Variants in ABCA9 observed in about 807,000 individuals in gnomAD.
The protein encoded by ABCA9 is ATP-binding cassette sub-family A member 9.
ABCA9 carries 183 observed loss-of-function variants against 205.3 expected under a neutral mutation model. The observed-to-expected ratio is 0.89, with a 90% CI of 0.79 to 1.01. ABCA9 has a LOEUF of 1.01. Ranked by LOEUF, ABCA9 falls within the 50% of genes least tolerant of loss-of-function variation. The pLI is 0.00. For synonymous variants in ABCA9, 651 were observed against 683.3 expected (o/e 0.95, Z 0.74); for missense variants, 1,805 against 1,912.4 (o/e 0.94, Z 1.05).
intron 8 of ABCA9, 124 bp from the exon 9 acceptor site, chr17:69,033,997 C>T (rs2071248295): frequency 1.3e-6 from 1 of 753,566 alleles, no homozygotes; most frequent in African/African-American, 1.8e-5. Flanking sequence ...CTCTACAGAG[C>T]TCTGTCTACT....
At chr17:69,061,816 T>A (rs1018442472), upstream of ABCA9, among the ~76,000 whole-genome samples, 1 of 152,336 alleles carries the variant, frequency 6.6e-6, no homozygotes, top group East Asian at 1.9e-4. Context: ...ATGGAGTTCA[T>A]CTTTGGCTGA....
intron 3 of ABCA9, among the ~76,000 whole-genome samples, chr17:69,047,199 C>T (rs930138973): frequency 1.1e-4 from 16 of 150,634 alleles, no homozygotes; most frequent in Admixed American, 4.0e-4. Context: ...TAAGATGATC[C>T]GCCCACCTCA....
intron 1 of ABCA9, among the ~76,000 whole-genome samples, chr17:69,060,047 AATGT>A (rs2072191042): frequency 6.6e-6 from 1 of 152,182 alleles, no homozygotes; most frequent in Non-Finnish European, 1.5e-5. Flanking sequence ...TCTGTGAATT[AATGT>A]GTGTGCCAGA....
the ABCA9 span, among the ~76,000 whole-genome samples, chr17:69,073,241 C>A: frequency 6.6e-6 from 1 of 152,148 alleles, no homozygotes; most frequent in African/African-American, 2.4e-5. Context: ...AGCTCTGGAC[C>A]AAGCAGATCT....
intron 21 of ABCA9, among the ~76,000 whole-genome samples, chr17:69,016,853 CGT>C (rs142446139): frequency 4.6e-4 from 69 of 150,948 alleles, no homozygotes; most frequent in African/African-American, 1.5e-3. Context: ...CTTAAAATAA[CGT>C]GTGTGTGTGT....
intron 25 of ABCA9, among the ~76,000 whole-genome samples, chr17:68,996,334 T>G (rs1322107675): frequency 6.6e-6 from 1 of 152,234 alleles, no homozygotes; most frequent in Non-Finnish European, 1.5e-5. Flanking sequence ...TTTTTTCATT[T>G]CACAATAGTT....
chr17:68,981,370 T>C (rs1349540357), intron 37 of ABCA9, among the ~76,000 whole-genome samples: 1 of 152,104 alleles, frequency 6.6e-6, no homozygotes, highest in Non-Finnish European at 1.5e-5. Context: ...GCAGCCTTTT[T>C]TAAAAAGCCT....
At chr17:68,997,334 T>C (rs190124298) in intron 25 of ABCA9, among the ~76,000 whole-genome samples, 47 of 152,308 alleles carry the variant, frequency 3.1e-4, no homozygotes, top group Non-Finnish European at 5.9e-5. Context: ...TCAAAGCTTT[T>C]TAAAGTTTTA....
At chr17:69,041,457 A>C (rs942461418) in intron 6 of ABCA9, among the ~76,000 whole-genome samples, 1 of 152,140 alleles carries the variant, frequency 6.6e-6, no homozygotes, top group Non-Finnish European at 1.5e-5. Context: ...TAATCACAGC[A>C]CTTTGGGAGG....
chr17:69,054,117 A>T (rs1453869811), intron 1 of ABCA9, among the ~76,000 whole-genome samples: 1 of 152,218 alleles, frequency 6.6e-6, no homozygotes, highest in Non-Finnish European at 1.5e-5. Flanking sequence ...AAGATGAAAG[A>T]GAAGTACTTT....
In ABCA9 at chr17:69,006,762, T is replaced by C. The variant is rs114146765; in HGVS notation, c.3435+997A>G. ...GACACATCAATAAATAGAACATTAC[T>C]AGGTGTGCTTAAAATGTGTGAACTT... is the stretch of plus-strand genomic sequence containing the variant. On this transcript the variant is annotated intron_variant, in intron 25 of 38. Coordinates refer to ENST00000340001, the MANE Select transcript of ABCA9 (RefSeq NM_080283.4). Among the ~76,000 whole-genome samples, 354 of 152,300 alleles carry C rather than the reference T, an allele frequency of 2.3e-3. 4 individuals are homozygous for C. Among genetic ancestry groups the C allele is most frequent in the African/African-American group, 8.1e-3 (335 of 41,546 alleles).
intron 37 of ABCA9, among the ~76,000 whole-genome samples, chr17:68,977,803 C>A (rs925039390): frequency 1.8e-4 from 28 of 152,302 alleles, no homozygotes; most frequent in African/African-American, 4.6e-4. Flanking sequence ...ACATTTTGTA[C>A]TTTGTGTCGT....
At chr17:69,019,451 G>C (rs1219474438) in intron 19 of ABCA9, among the ~76,000 whole-genome samples, 2 of 152,076 alleles carry the variant, frequency 1.3e-5, no homozygotes, top group South Asian at 4.1e-4. Context: ...CCCATATTCA[G>C]TACTACTCCC....
chr17:69,041,582 T>C lies in ABCA9; in HGVS notation c.800+1907A>G, dbSNP rs140272327. 6.6e-5 allele frequency among the ~76,000 whole-genome samples: 10 copies of C among 152,118 alleles called. No individual in the cohort carries two copies. The East Asian group carries it at 1.6e-3, about 24-fold the overall frequency. On this transcript the variant is annotated intron_variant, in intron 6 of 38. Coordinates refer to ENST00000340001, the MANE Select transcript of ABCA9 (RefSeq NM_080283.4). The stretch of plus-strand genomic sequence containing the variant: ...AGCCGGGCATGGTGGCACTCGCCTG[T>C]AGTCACAACTACTAGGGAGGTTGAG...
chr17:68,979,321 G>A (rs936601384), intron 37 of ABCA9, among the ~76,000 whole-genome samples: 2 of 152,096 alleles, frequency 1.3e-5, no homozygotes, highest in African/African-American at 4.8e-5. Context: ...ATGCTCATGG[G>A]TAGGAAGAAT....
At chr17:69,000,935 G>C (rs1201724770) in intron 25 of ABCA9, among the ~76,000 whole-genome samples, 1 of 147,340 alleles carries the variant, frequency 6.8e-6, no homozygotes, top group Non-Finnish European at 1.5e-5. Flanking sequence ...GTCTGTTGTT[G>C]TATAGGAATG....
At position 69,041,832 on chromosome 17, in the gene ABCA9, A is replaced by T. The variant is rs1365434375; in HGVS notation, c.800+1657T>A. Among the ~76,000 whole-genome samples, 4 of 152,300 alleles carry T rather than the reference A, an allele frequency of 2.6e-5. No individual in the cohort carries two copies. The East Asian group carries it at 7.7e-4, about 29-fold the overall frequency. On this transcript the variant is annotated intron_variant, in intron 6 of 38. Coordinates refer to ENST00000340001, the MANE Select transcript of ABCA9 (RefSeq NM_080283.4). ...AAAAGGACATCAGAGAAAAACTTTC[A>T]TCATAAACCAAAGAAGTAATTCATC...
Position 69,024,198 on chromosome 17 carries a change from C to G in ABCA9, c.2281+16G>C. The G allele has an allele frequency of 6.2e-7, 1 of 1,610,824 alleles. No homozygotes were observed. Among genetic ancestry groups the G allele is most frequent in the Non-Finnish European group, 8.5e-7 (1 of 1,178,812 alleles). On this transcript the variant is annotated intron_variant, in intron 17 of 38. Transcript: ENST00000340001. ...CACCATTCCAAAACCATTCTGTCATCTTTACATTTTGTTACCTGGAAATTT... is the reference window on the plus strand; with the variant it reads ...CACCATTCCAAAACCATTCTGTCATGTTTACATTTTGTTACCTGGAAATTT...
chr17:68,994,260 A>C (rs2069547369), intron 26 of ABCA9, among the ~76,000 whole-genome samples: 1 of 152,064 alleles, frequency 6.6e-6, no homozygotes, highest in Non-Finnish European at 1.5e-5. Context: ...CTAACCCACC[A>C]ACTCCTTTTC....
Sources: gnomAD v4.1 joint callset for allele counts (sites outside exome capture counted in the v4.1 genomes callset) on GRCh38, gnomAD v4.1.1 for gene constraint, MANE v1.5 for transcripts, NCBI Gene and HGNC (gene_info 2026-07-23, HGNC 2026-07-21) for gene names.